Variants in NBEA observed in about 807,000 individuals in gnomAD.
NBEA encodes the protein lysosomal-trafficking regulator 2.
Under a neutral mutation model 343.4 loss-of-function variants are expected in NBEA, and 44 were observed. That is an observed-to-expected ratio of 0.13 (90% CI 0.10 to 0.16). The LOEUF (loss-of-function observed/expected upper bound fraction) is 0.16. NBEA is among the 10% of genes least tolerant of loss of function. NBEA has a pLI of 1.00. For missense variants in NBEA, 2,555 were observed against 3,631.3 expected (o/e 0.70, Z 7.62); for synonymous variants, 1,175 against 1,238.7 (o/e 0.95, Z 1.08).
intron 34 of NBEA, among the ~76,000 whole-genome samples, chr13:35,269,322 A>G (rs2033945806): frequency 6.6e-6 from 1 of 152,176 alleles, no homozygotes; most frequent in Non-Finnish European, 1.5e-5. Context: ...AAGTGAAAAA[A>G]AGCTGAACTA....
At chr13:35,001,219 G>A (rs2152524546) in intron 1 of NBEA, among the ~76,000 whole-genome samples, 1 of 152,222 alleles carries the variant, frequency 6.6e-6, no homozygotes, top group Middle Eastern at 3.4e-3. Context: ...TACATGGTTG[G>A]TAGGAATGTA....
At chr13:35,161,678 A>C in intron 22 of NBEA, 72 bp from the exon 23 acceptor site, 2 of 1,220,360 alleles carry the variant, frequency 1.6e-6, no homozygotes, top group Non-Finnish European at 2.3e-6. Context: ...TCACTTTACT[A>C]TACTCACAGT....
At chr13:35,511,236 G>A (rs188960555) in intron 41 of NBEA, among the ~76,000 whole-genome samples, 19 of 152,188 alleles carry the variant, frequency 1.2e-4, no homozygotes, top group African/African-American at 4.3e-4. Context: ...AAGCAATATA[G>A]CACAGGAAGC....
chr13:35,577,557 A>T (rs984372643), intron 45 of NBEA, among the ~76,000 whole-genome samples: 4 of 152,098 alleles, frequency 2.6e-5, no homozygotes, highest in Admixed American at 6.6e-5. Flanking sequence ...TAAGGAAACT[A>T]GCTCTTATGT....
intron 39 of NBEA, among the ~76,000 whole-genome samples, chr13:35,446,982 T>A (rs1317102024): frequency 2.0e-5 from 3 of 152,132 alleles, no homozygotes; most frequent in Non-Finnish European, 4.4e-5. Flanking sequence ...ACACATATGA[T>A]TTATAGCTAA....
chr13:35,026,724 T>G (rs2062031951), intron 1 of NBEA, among the ~76,000 whole-genome samples: 1 of 152,072 alleles, frequency 6.6e-6, no homozygotes, highest in Non-Finnish European at 1.5e-5. Context: ...AGTTTTAAAT[T>G]TTCTAGTAGC....
chr13:35,026,648 T>A (rs1460400806), intron 1 of NBEA, among the ~76,000 whole-genome samples: 1 of 152,128 alleles, frequency 6.6e-6, no homozygotes, highest in Non-Finnish European at 1.5e-5. Flanking sequence ...ATTCTTTCAA[T>A]TGGCCAGCTA....
intron 1 of NBEA, among the ~76,000 whole-genome samples, chr13:35,039,908 ATAAAG>A (rs1441526980): frequency 3.9e-5 from 6 of 152,124 alleles, no homozygotes; most frequent in African/African-American, 1.4e-4. Context: ...GTTTTTTGGA[ATAAAG>A]TAATGTATGC....
intron 28 of NBEA, among the ~76,000 whole-genome samples, chr13:35,178,017 A>T (rs2071037444): frequency 6.6e-6 from 1 of 151,790 alleles, no homozygotes; most frequent in Admixed American, 6.6e-5. Flanking sequence ...AATTCCAAAC[A>T]TACCAACAGA....
chr13:35,459,748 T>C (rs1207919147), intron 40 of NBEA, among the ~76,000 whole-genome samples: 1 of 152,152 alleles, frequency 6.6e-6, no homozygotes, highest in Non-Finnish European at 1.5e-5. Context: ...ATGTAGAGCA[T>C]GTGGGAAGAC....
rs201528947 is a variant in NBEA at position 35,387,378 on chromosome 13, A to AT, written c.6179+35063dup. 3.1e-3 allele frequency among the ~76,000 whole-genome samples: 473 copies of AT among 151,712 alleles called. 2 individuals carry two copies. The highest frequency in any genetic ancestry group is 5.2e-3 in the Non-Finnish European group (354 of 67,890). On this transcript the variant is annotated intron_variant, in intron 38 of 58. Transcript: ENST00000379939. ...ATTGATTTTTTTTCCTTGCGAATTG[A>AT]TTTTTTTTCCCTTTTTTTCTTTTTA...
Position 35,069,939 on chromosome 13 carries a change from T to C in NBEA, c.1271T>C (p.Ile424Thr). The C allele has an allele frequency of 6.3e-7, 1 of 1,586,984 alleles. No individual in the cohort carries two copies. Among genetic ancestry groups the C allele is most frequent in the Non-Finnish European group, 8.6e-7 (1 of 1,166,402 alleles). The change falls in exon 9 of 59, where the codon ATT becomes ACT. Residue 424 changes from isoleucine to threonine, a missense_variant. Ile to Thr is a moderately conservative substitution (Grantham distance 89). Coordinates refer to ENST00000379939, the MANE Select transcript of NBEA (RefSeq NM_001385012.1). ...TTCAAGTTTAAATCTGAGAGTGATA[T>C]TCATTTGGCAGAACATCATAAACAG... is the stretch of plus-strand genomic sequence containing the variant. ...STFKFKSESD[I>T]HLAEHHKQVL...
chr13:34,981,774 T>G (rs1299147016), intron 1 of NBEA, among the ~76,000 whole-genome samples: 1 of 151,874 alleles, frequency 6.6e-6, no homozygotes, highest in Non-Finnish European at 1.5e-5. Flanking sequence ...TAATCTAGAT[T>G]GTTTGCATTT....
intron 34 of NBEA, among the ~76,000 whole-genome samples, chr13:35,236,994 T>C (rs555675518): frequency 4.9e-4 from 74 of 152,220 alleles, no homozygotes; most frequent in African/African-American, 1.8e-3. Context: ...TGTGTTTGCA[T>C]AGGATATTAT....
chr13:35,099,653 T>A (rs749137069), intron 11 of NBEA, among the ~76,000 whole-genome samples: 11 of 152,154 alleles, frequency 7.2e-5, no homozygotes, highest in Non-Finnish European at 5.9e-5. Context: ...TGTGCTCTTT[T>A]TCCCTGCTCT....
rs771594002 is a variant in NBEA at position 35,322,243 on chromosome 13, A to T, written c.5903+12651A>T. On this transcript the variant is annotated intron_variant, in intron 36 of 58. Coordinates refer to ENST00000379939, the MANE Select transcript of NBEA (RefSeq NM_001385012.1). ...CCTGGTGATGTAGGCACCCAAGAAA[A>T]TCTCCTGGTCTGTGGGTTGCAAACA... Among the ~76,000 whole-genome samples, 146 of 152,026 alleles carry T rather than the reference A, an allele frequency of 9.6e-4. 3 individuals are homozygous for T. Among genetic ancestry groups the T allele is most frequent in the Non-Finnish European group, 4.9e-4 (33 of 68,004 alleles).
intron 2 of NBEA, among the ~76,000 whole-genome samples, chr13:35,042,233 G>A (rs189754090): frequency 3.0e-4 from 46 of 151,736 alleles, no homozygotes; most frequent in African/African-American, 9.9e-4. Flanking sequence ...TACCTTCAGG[G>A]TGGCATATAT....
intron 22 of NBEA, 33 bp from the exon 23 acceptor site, chr13:35,161,717 T>G (rs2069575575): frequency 1.3e-6 from 2 of 1,531,730 alleles, no homozygotes; most frequent in African/African-American, 1.4e-5. Flanking sequence ...ATTTCTTTTG[T>G]ATTCCACAAA....
At chr13:35,514,622 G>A (rs1201066048) in intron 41 of NBEA, among the ~76,000 whole-genome samples, 3 of 152,018 alleles carry the variant, frequency 2.0e-5, no homozygotes, top group Non-Finnish European at 4.4e-5. Flanking sequence ...TAGTACTTTG[G>A]TGATTGAAAT....
Sources: gnomAD v4.1 joint callset for allele counts (sites outside exome capture counted in the v4.1 genomes callset) on GRCh38, gnomAD v4.1.1 for gene constraint, MANE v1.5 for transcripts, NCBI Gene and HGNC (gene_info 2026-07-23, HGNC 2026-07-21) for gene names.